The following CYBRD1 variants were observed in gnomAD, a reference collection of about 807,000 sequenced individuals.
The protein encoded by CYBRD1 is plasma membrane ascorbate-dependent reductase CYBRD1.
A neutral mutation model predicts 21.9 loss-of-function variants in CYBRD1; 14 were observed. The ratio of observed to expected loss-of-function variants is 0.64; its 90% confidence interval spans 0.42 to 1.00. The LOEUF is 1.00. Ranked by LOEUF, CYBRD1 falls within the 50% of genes least tolerant of loss-of-function variation. The pLI is 0.00. For synonymous variants in CYBRD1, 146 were observed against 136.5 expected, an observed-to-expected ratio of 1.07 and a Z score of -0.48; for missense variants, 328 against 352.5, an observed-to-expected ratio of 0.93 and a Z score of 0.56.
chr2:171,529,079 A>G (rs1434568349), intron 1 of CYBRD1, among the ~76,000 whole-genome samples: 3 of 152,228 alleles, frequency 2.0e-5, no homozygotes, highest in African/African-American at 7.2e-5. Flanking sequence ...CACATAATAA[A>G]CATTCAATGA....
Position 171,538,510 on chromosome 2 carries a change from G to A in CYBRD1, c.194-3075G>A, listed in dbSNP as rs142240439. Among the ~76,000 whole-genome samples the A allele has an allele frequency of 1.1e-3, 160 of 152,256 alleles. 1 individual carries two copies. Among genetic ancestry groups the A allele is most frequent in the African/African-American group, 3.4e-3 (143 of 41,550 alleles). ...AAATGATTATCCAAAAAGTCTCCACGTTCTCAAGGAAGTATAACCAATCGA... is the reference window on the plus strand; with the variant it reads ...AAATGATTATCCAAAAAGTCTCCACATTCTCAAGGAAGTATAACCAATCGA... On this transcript the variant is annotated intron_variant, in intron 1 of 3. Coordinates refer to ENST00000321348, the MANE Select transcript of CYBRD1 (RefSeq NM_024843.4).
At chr2:171,523,229 G>C (rs1450438308) in intron 1 of CYBRD1, 1 of 399,896 alleles carries the variant, frequency 2.5e-6, no homozygotes, top group Non-Finnish European at 5.0e-6. Context: ...CTTGCTTCCA[G>C]GCTGCAGATG....
At chr2:171,544,567 T>A (rs2105341517) in intron 2 of CYBRD1, among the ~76,000 whole-genome samples, 1 of 152,342 alleles carries the variant, frequency 6.6e-6, no homozygotes, top group East Asian at 1.9e-4. Flanking sequence ...TAGTTTTGTC[T>A]TTGATATTTA....
At position 171,545,578 on chromosome 2, in the gene CYBRD1, G is replaced by A. The variant is rs980574713; in HGVS notation, c.402+3785G>A. 4.1e-5 allele frequency among the ~76,000 whole-genome samples: 6 copies of A among 147,188 alleles called. No individual in the cohort carries two copies. The South Asian group carries it at 6.5e-4, about 16-fold the overall frequency. ...TTTTTTTTTTTTTTTTAGTAGAGACGGGGTTTCACCATGTTGGTCAGGCTG... is the reference window on the plus strand; with the variant it reads ...TTTTTTTTTTTTTTTTAGTAGAGACAGGGTTTCACCATGTTGGTCAGGCTG... On this transcript the variant is annotated intron_variant, in intron 2 of 3. Coordinates refer to ENST00000321348, the MANE Select transcript of CYBRD1 (RefSeq NM_024843.4).
intron 1 of CYBRD1, chr2:171,523,238 T>A (rs1421652337): frequency 2.4e-6 from 1 of 416,188 alleles, no homozygotes; most frequent in Non-Finnish European, 4.9e-6. Context: ...AGGCTGCAGA[T>A]GAGGAGGGGA....
rs1052010822 is a variant in CYBRD1, at chr2:171,549,434, A to C, written c.403-3912A>C. Among the ~76,000 whole-genome samples the C allele has an allele frequency of 2.6e-5, 4 of 152,248 alleles. No homozygotes were observed. In the South Asian group the frequency reaches 6.2e-4, roughly 24 times the overall value. On this transcript the variant is annotated intron_variant, in intron 2 of 3. Transcript: ENST00000321348. ...TTTATTGTCTATTTCTAATTATAAA[A>C]GTAATACACATTAATGTTAAAGTTT...
intron 2 of CYBRD1, among the ~76,000 whole-genome samples, chr2:171,546,043 C>T (rs925646740): frequency 8.5e-5 from 13 of 152,134 alleles, no homozygotes; most frequent in East Asian, 1.9e-4. Flanking sequence ...TCATATCTCG[C>T]GTTGTTGTCT....
intron 1 of CYBRD1, among the ~76,000 whole-genome samples, chr2:171,524,644 C>T (rs1697358526): frequency 6.6e-6 from 1 of 152,220 alleles, no homozygotes; most frequent in African/African-American, 2.4e-5. Flanking sequence ...AGTTATGTAA[C>T]TTACCCATGA....
At chr2:171,532,971 TA>T (rs1046487964) in intron 1 of CYBRD1, among the ~76,000 whole-genome samples, 4 of 151,540 alleles carry the variant, frequency 2.6e-5, no homozygotes, top group African/African-American at 9.7e-5. Context: ...GTCTCTAAAT[TA>T]AAAAAATAAA....
At chr2:171,536,443 T>C (rs1050571388) in intron 1 of CYBRD1, among the ~76,000 whole-genome samples, 1 of 152,144 alleles carries the variant, frequency 6.6e-6, no homozygotes, top group African/African-American at 2.4e-5. Context: ...GCAGCTGGGA[T>C]TACAGACATG....
chr2:171,543,480 C>T (rs533450963), intron 2 of CYBRD1, among the ~76,000 whole-genome samples: 1 of 152,256 alleles, frequency 6.6e-6, no homozygotes, highest in South Asian at 2.1e-4. Flanking sequence ...CTCCTTCCTC[C>T]TCATCTCTTC....
upstream of CYBRD1, chr2:171,522,321 G>A: frequency 3.9e-6 from 6 of 1,526,680 alleles, no homozygotes; most frequent in Non-Finnish European, 5.3e-6. The surrounding 1 kb of genome is among the most constrained non-coding windows in gnomAD (Gnocchi z 4.3). Flanking sequence ...AGCGCCCTCG[G>A]CGGCCGCGTG....
At chr2:171,552,268 A>G (rs912914000) in intron 2 of CYBRD1, among the ~76,000 whole-genome samples, 3 of 152,218 alleles carry the variant, frequency 2.0e-5, no homozygotes, top group Admixed American at 2.0e-4. Flanking sequence ...GTTTTTCACC[A>G]TCTGTTTTGA....
intron 1 of CYBRD1, among the ~76,000 whole-genome samples, chr2:171,537,604 G>C (rs1574437115): frequency 6.6e-6 from 1 of 152,152 alleles, no homozygotes; most frequent in South Asian, 2.1e-4. Context: ...CCTGAATAAG[G>C]TCAGAGGATT....
intron 2 of CYBRD1, among the ~76,000 whole-genome samples, chr2:171,552,615 T>C (rs568981622): frequency 2.0e-4 from 31 of 152,374 alleles, no homozygotes; most frequent in Middle Eastern, 3.4e-3. Flanking sequence ...CTTTATCTTG[T>C]TGAAGAGAGG....
chr2:171,553,418 C>T lies in CYBRD1; in HGVS notation c.475C>T (p.His159Tyr). 6.2e-7 allele frequency: 1 copy of T among 1,613,708 alleles called. No homozygotes were observed. Among genetic ancestry groups the T allele is most frequent in the Non-Finnish European group, 8.5e-7 (1 of 1,179,772 alleles). ...LSLRAFLMPI[H>Y]VYSGIVIFGT... ...TCTCCGAGCATTTCTCATGCCCATA[C>T]ATGTTTATTCTGGAATTGTCATCTT... Residue 159 changes from histidine to tyrosine, a missense_variant, in exon 3 of 4, where the codon CAT (histidine) becomes TAT (tyrosine). Coordinates refer to ENST00000321348, the MANE Select transcript of CYBRD1 (RefSeq NM_024843.4).
At chr2:171,529,929 G>C (rs1697439527) in intron 1 of CYBRD1, among the ~76,000 whole-genome samples, 1 of 152,172 alleles carries the variant, frequency 6.6e-6, no homozygotes, top group African/African-American at 2.4e-5. Flanking sequence ...CTTGGAAATA[G>C]GATCTTTGCA....
At chr2:171,531,436 A>G (rs1260395203) in intron 1 of CYBRD1, among the ~76,000 whole-genome samples, 1 of 151,928 alleles carries the variant, frequency 6.6e-6, no homozygotes, top group East Asian at 1.9e-4. Context: ...GACACGAGTT[A>G]TGGTTTCTTT....
chr2:171,552,820 T>C (rs1683401890), intron 2 of CYBRD1, among the ~76,000 whole-genome samples: 1 of 152,212 alleles, frequency 6.6e-6, no homozygotes, highest in Non-Finnish European at 1.5e-5. Context: ...CCACATAGCT[T>C]TTTAGGTTGA....
Sources: gnomAD v4.1 joint callset for allele counts (sites outside exome capture counted in the v4.1 genomes callset) on GRCh38, gnomAD v4.1.1 for gene constraint, Gnocchi (gnomAD v3.1) non-coding constraint, MANE v1.5 for transcripts, NCBI Gene and HGNC (gene_info 2026-07-23, HGNC 2026-07-21) for gene names.